Variants in VPS26B observed in about 807,000 individuals in gnomAD.
VPS26B encodes VPS26 retromer complex component B.
In VPS26B, 10 loss-of-function variants were observed where a neutral mutation model predicts 33.3. The ratio of observed to expected loss-of-function variants is 0.30; its 90% CI spans 0.19 to 0.51. The LOEUF is 0.51. Ranked by LOEUF, VPS26B falls within the 20% of genes least tolerant of loss-of-function variation. VPS26B has a pLI of 0.98. For missense variants in VPS26B, 317 were observed against 452.7 expected, an observed-to-expected ratio of 0.70 and a Z score of 2.72; for synonymous variants, 190 against 176.9, an observed-to-expected ratio of 1.07 and a Z score of -0.59.
intron 1 of VPS26B, among the ~76,000 whole-genome samples, chr11:134,231,002 G>A (rs1212538080): frequency 3.9e-5 from 6 of 152,242 alleles, no homozygotes; most frequent in African/African-American, 1.4e-4. Flanking sequence ...GGAAGATGCA[G>A]TAGTCTGTAA....
intron 1 of VPS26B, among the ~76,000 whole-genome samples, chr11:134,229,437 A>G (rs1938526938): frequency 6.6e-6 from 1 of 152,268 alleles, no homozygotes; most frequent in African/African-American, 2.4e-5. Context: ...GGGATACCCT[A>G]CAGGTGCCTC....
chr11:134,228,523 C>T (rs571353588), intron 1 of VPS26B, among the ~76,000 whole-genome samples: 1 of 151,346 alleles, frequency 6.6e-6, no homozygotes, highest in East Asian at 2.0e-4. Flanking sequence ...AAGAACAAGG[C>T]ATTAGAATAA....
chr11:134,245,158 C>G lies in VPS26B; in HGVS notation c.864+78C>G. The G allele has an allele frequency of 6.5e-7, 1 of 1,548,638 alleles. No individual in the cohort carries two copies. Among genetic ancestry groups the G allele is most frequent in the Non-Finnish European group, 8.7e-7 (1 of 1,151,970 alleles). On this transcript the variant is annotated intron_variant, in intron 5 of 5. Coordinates refer to ENST00000281187, the MANE Select transcript of VPS26B (RefSeq NM_052875.5). The surrounding 1 kb of genome is among the most constrained non-coding windows in gnomAD (Gnocchi z 4.7). ...TCTCTTTCCTATGGAAGGTCAGACT[C>G]CATTTTTGCCAAGAGGTGGGAACAT...
chr11:134,231,396 G>A (rs1938553122), intron 1 of VPS26B, among the ~76,000 whole-genome samples: 1 of 152,182 alleles, frequency 6.6e-6, no homozygotes, highest in Non-Finnish European at 1.5e-5. Flanking sequence ...CTGCTGGTGG[G>A]ACTGGAGCAG....
intron 1 of VPS26B, chr11:134,225,561 A>T (rs1938439778): frequency 8.6e-6 from 5 of 579,514 alleles, no homozygotes; most frequent in South Asian, 1.9e-5. Context: ...GGAGATGGGG[A>T]CGGCGAGGGC....
intron 2 of VPS26B, chr11:134,236,748 T>G (rs1938638606): frequency 6.6e-6 from 1 of 152,158 alleles, no homozygotes; most frequent in Non-Finnish European, 1.5e-5. Flanking sequence ...ATATATGAGG[T>G]ACCCAGAGCA....
rs937967084 is a variant in VPS26B at position 134,244,424 on chromosome 11, A to C, written c.722-514A>C. ...GAAAATGAAGGTCCAGAGGAAGCAG[A>C]GACTTAACTCACAAATCAGAAAAGC... is the stretch of plus-strand genomic sequence containing the variant. On this transcript the variant is annotated intron_variant, in intron 4 of 5. Transcript: ENST00000281187. This position sits in a 1 kb window ranked among gnomAD's most constrained non-coding sequence, Gnocchi z 4.0. 2.0e-5 allele frequency: 3 copies of C among 152,478 alleles called. No homozygotes were observed. Among genetic ancestry groups the C allele is most frequent in the African/African-American group, 7.2e-5 (3 of 41,456 alleles). The allele number at this position is 152,478 out of a possible 1,614,324, so 9.4% of individuals were successfully genotyped here.
At chr11:134,239,440 T>G (rs1288968941) in intron 2 of VPS26B, among the ~76,000 whole-genome samples, 8 of 152,260 alleles carry the variant, frequency 5.3e-5, no homozygotes, top group Non-Finnish European at 7.3e-5. Context: ...GTTTGTGGAA[T>G]GAATAGCTGA....
intron 1 of VPS26B, among the ~76,000 whole-genome samples, chr11:134,232,695 T>G (rs1158657953): frequency 6.6e-6 from 1 of 152,202 alleles, no homozygotes; most frequent in Non-Finnish European, 1.5e-5. Context: ...CGCATTTCTG[T>G]ATTTTTCCAT....
rs1331951437 is a variant in VPS26B, at chr11:134,247,479, T to C, written c.*1889T>C. On this transcript the variant is annotated 3_prime_UTR_variant, in exon 6 of 6. Transcript: ENST00000281187. ...AACTAGAAGACAGAATTTGCTTTGA[T>C]TCTCTCAGGCGCTGTGCACAAGCCA... 6.6e-6 allele frequency: 1 copy of C among 152,380 alleles called. No individual in the cohort carries two copies. Among genetic ancestry groups the C allele is most frequent in the Non-Finnish European group, 1.5e-5 (1 of 68,034 alleles). 9.4% of individuals were successfully genotyped at this position (152,380 alleles called of 1,614,324 possible).
At chr11:134,228,501 T>C (rs143011748) in intron 1 of VPS26B, among the ~76,000 whole-genome samples, 103 of 152,042 alleles carry the variant, frequency 6.8e-4, no homozygotes, top group African/African-American at 2.2e-3. Flanking sequence ...CTTTGGGATG[T>C]ATTTCTTGAT....
In VPS26B at chr11:134,224,925, T is replaced by A. The variant is rs1367622088; in HGVS notation, c.-198T>A. ...GCGCCGCAGCCCGCAGCCGCCAGCC[T>A]CCCCCGGCCGTGCCCCTCCCCCGTG... On this transcript the variant is annotated 5_prime_UTR_variant, in exon 1 of 6. Coordinates refer to ENST00000281187, the MANE Select transcript of VPS26B (RefSeq NM_052875.5). 7.9e-6 allele frequency: 2 copies of A among 252,104 alleles called. No individual in the cohort carries two copies. Among genetic ancestry groups the A allele is most frequent in the African/African-American group, 4.6e-5 (2 of 43,492 alleles). 15.6% of individuals were successfully genotyped at this position (252,104 alleles called of 1,614,324 possible).
Position 134,244,710 on chromosome 11 carries a change from C to G in VPS26B, c.722-228C>G, listed in dbSNP as rs981782906. On this transcript the variant is annotated intron_variant, in intron 4 of 5. Coordinates refer to ENST00000281187, the MANE Select transcript of VPS26B (RefSeq NM_052875.5). The surrounding 1 kb of genome is among the most constrained non-coding windows in gnomAD (Gnocchi z 4.0). ...TGTGCTGTTCCCACTCAGTTGCTCT[C>G]TGTTTTCGAGAAGACATGAGAAGCT... is the stretch of plus-strand genomic sequence containing the variant. 7.5e-6 allele frequency: 4 copies of G among 531,468 alleles called. No homozygotes were observed. Among genetic ancestry groups the G allele is most frequent in the Non-Finnish European group, 1.3e-5 (4 of 302,810 alleles). The allele number at this position is 531,468 out of a possible 1,614,324, so 32.9% of individuals were successfully genotyped here. A position where few individuals can be genotyped will look rare whatever the true frequency, so the allele number is the denominator to read the frequency against.
In VPS26B at chr11:134,225,175, A is replaced by G; in HGVS notation, c.53A>G (p.Asp18Gly). ...GTGGAGGTGGAAATCCTTCTGAACG[A>G]TGCAGAGAGTAGGAAGCGGGCCGAG... is the stretch of plus-strand genomic sequence containing the variant. ...QSVEVEILLN[D>G]AESRKRAEHK... is the part of the protein sequence containing the mutation. The change falls in exon 1 of 6, where the codon GAT becomes GGT. Residue 18 changes from aspartate (D) to glycine (G), a missense_variant. Asp to Gly is a moderately conservative substitution (Grantham distance 94). Coordinates refer to ENST00000281187, the MANE Select transcript of VPS26B (RefSeq NM_052875.5). 5.6e-6 allele frequency: 9 copies of G among 1,614,052 alleles called. No homozygotes were observed. Among genetic ancestry groups the G allele is most frequent in the Non-Finnish European group, 7.6e-6 (9 of 1,179,952 alleles).
chr11:134,230,967 G>A (rs963780148), intron 1 of VPS26B, among the ~76,000 whole-genome samples: 2 of 152,206 alleles, frequency 1.3e-5, no homozygotes, highest in African/African-American at 2.4e-5. Flanking sequence ...CTAAGACCTA[G>A]TCATCCTACT....
chr11:134,243,249 G>T lies in VPS26B; in HGVS notation c.676G>T (p.Asp226Tyr). Residue 226 changes from aspartate (D) to tyrosine (Y), a missense_variant, in exon 4 of 6, where the codon GAC (aspartate) becomes TAC (tyrosine). Physicochemically the swap from Asp to Tyr is radical, Grantham distance 160 (BLOSUM62 -3). Transcript: ENST00000281187. The stretch of plus-strand genomic sequence containing the variant: ...AGGCCCCAACGTGTACCATGAGAAT[G>T]ACACGATAGCCAAGTACGAGATCAT... ...GTGPNVYHEN[D>Y]TIAKYEIMDG... 6.2e-7 allele frequency: 1 copy of T among 1,614,160 alleles called. No homozygotes were observed. Among genetic ancestry groups the T allele is most frequent in the Non-Finnish European group, 8.5e-7 (1 of 1,180,014 alleles).
rs1938711739 is a variant in VPS26B at position 134,240,808 on chromosome 11, T to TCC, written c.545+653_545+654insCC. On this transcript the variant is annotated intron_variant, in intron 3 of 5. Coordinates refer to ENST00000281187, the MANE Select transcript of VPS26B (RefSeq NM_052875.5). This position sits in a 1 kb window ranked among gnomAD's most constrained non-coding sequence, Gnocchi z 4.4. ...GTGTGTGTGTCCGTGTGTGTGTGTG[T>TCC]GTGTGTGTGTGTGTGTGTGTAGCCA... Among the ~76,000 whole-genome samples, 2 of 144,780 alleles carry TCC rather than the reference T, an allele frequency of 1.4e-5. No individual in the cohort carries two copies. Among genetic ancestry groups the TCC allele is most frequent in the African/African-American group, 4.9e-5 (2 of 40,700 alleles). The allele number at this position is 144,780 out of a possible 152,430, so 95.0% of individuals were successfully genotyped here. A position where few individuals can be genotyped will look rare whatever the true frequency, so the allele number is the denominator to read the frequency against.
chr11:134,229,085 A>C (rs1938520107), intron 1 of VPS26B, among the ~76,000 whole-genome samples: 4 of 152,182 alleles, frequency 2.6e-5, no homozygotes, highest in Non-Finnish European at 1.5e-5. Flanking sequence ...GCTAGAGTGC[A>C]GTGCCACGAT....
Position 134,239,793 on chromosome 11 carries a change from G to A in VPS26B, c.381-198G>A, listed in dbSNP as rs1423812105. ...GGGTCTTTGAACTCCCTAGAATTGTGGTTGAAAAGGTCTCTGTATAGGTAC... is the reference window on the plus strand; with the variant it reads ...GGGTCTTTGAACTCCCTAGAATTGTAGTTGAAAAGGTCTCTGTATAGGTAC... On this transcript the variant is annotated intron_variant, in intron 2 of 5. Coordinates refer to ENST00000281187, the MANE Select transcript of VPS26B (RefSeq NM_052875.5). The A allele has an allele frequency of 1.7e-5, 10 of 603,736 alleles. No homozygotes were observed. In the African/African-American group the frequency reaches 1.9e-4, roughly 11 times the overall value. 37.4% of individuals were successfully genotyped at this position (603,736 alleles called of 1,614,324 possible). A position where few individuals can be genotyped will look rare whatever the true frequency, so the allele number is the denominator to read the frequency against.
Sources: allele counts gnomAD v4.1 joint callset (sites outside exome capture counted in the v4.1 genomes callset), GRCh38; gene constraint gnomAD v4.1.1; non-coding constraint Gnocchi (gnomAD v3.1); transcripts MANE v1.5; gene names NCBI Gene and HGNC (gene_info 2026-07-23, HGNC 2026-07-21).